FHIT: variants seen among roughly 807,000 people sequenced by gnomAD.
FHIT encodes the protein fragile histidine triad diadenosine triphosphatase, also known as bis(5'-adenosyl)-triphosphatase.
Under a neutral mutation model 17.9 loss-of-function variants are expected in FHIT, and 19 were observed. That is an observed-to-expected ratio of 1.06 (90% CI 0.74 to 1.56). The LOEUF is 1.56. FHIT is among the 40% of genes most tolerant of loss of function. FHIT has a pLI of 0.00. For synonymous variants in FHIT, 81 were observed against 69.7 expected (o/e 1.16, Z -0.81); for missense variants, 248 against 189.2 (o/e 1.31, Z -1.82).
At chr3:60,310,340 C>A (rs1708883432) in intron 5 of FHIT, among the ~76,000 whole-genome samples, 1 of 152,186 alleles carries the variant, frequency 6.6e-6, no homozygotes, top group Middle Eastern at 3.4e-3. Flanking sequence ...CTTAAAGAAA[C>A]TGGTGCTGAA....
intron 4 of FHIT, among the ~76,000 whole-genome samples, chr3:60,592,517 ATTCTC>A (rs2038121905): frequency 1.3e-5 from 2 of 152,048 alleles, no homozygotes. Flanking sequence ...CTGCTTTCAG[ATTCTC>A]TTCTACCACC....
intron 3 of FHIT, among the ~76,000 whole-genome samples, chr3:60,872,259 G>T (rs1268846291): frequency 2.6e-5 from 4 of 152,100 alleles, no homozygotes; most frequent in Admixed American, 1.3e-4. Context: ...AAAAACATTT[G>T]TAGGCAAACA....
chr3:60,456,228 A>G (rs2032083311), intron 5 of FHIT, among the ~76,000 whole-genome samples: 1 of 152,228 alleles, frequency 6.6e-6, no homozygotes, highest in Non-Finnish European at 1.5e-5. Flanking sequence ...CTTTTTAAAA[A>G]ACATATATGA....
chr3:59,819,589 C>G (rs1700719830), intron 8 of FHIT, among the ~76,000 whole-genome samples: 1 of 152,218 alleles, frequency 6.6e-6, no homozygotes, highest in Non-Finnish European at 1.5e-5. Flanking sequence ...GCCGTATTAG[C>G]AGACAGGCTC....
At chr3:60,229,223 C>G (rs1050237342) in intron 5 of FHIT, among the ~76,000 whole-genome samples, 1 of 151,966 alleles carries the variant, frequency 6.6e-6, no homozygotes, top group Non-Finnish European at 1.5e-5. Flanking sequence ...TTGAGACCAG[C>G]CTGGGCAACA....
At chr3:59,912,933 G>C (rs1013504108) in intron 8 of FHIT, among the ~76,000 whole-genome samples, 1 of 152,212 alleles carries the variant, frequency 6.6e-6, no homozygotes, top group Non-Finnish European at 1.5e-5. Flanking sequence ...AAGTATTTAA[G>C]TGGTTCAGCA....
At chr3:60,709,340 A>T (rs1370459211) in intron 4 of FHIT, among the ~76,000 whole-genome samples, 1 of 152,148 alleles carries the variant, frequency 6.6e-6, no homozygotes, top group African/African-American at 2.4e-5. Context: ...TTGTGTTGTG[A>T]TATATTATTA....
chr3:60,227,783 C>G (rs17062527), intron 5 of FHIT, among the ~76,000 whole-genome samples: 3,734 of 152,220 alleles, frequency 0.025, 149 homozygotes, highest in African/African-American at 0.084. Context: ...ATGAAAGTGA[C>G]TGATTCCCCA....
At chr3:60,477,285 G>T (rs766106007) in intron 5 of FHIT, among the ~76,000 whole-genome samples, 9 of 151,798 alleles carry the variant, frequency 5.9e-5, no homozygotes, top group Admixed American at 2.0e-4. Context: ...ACAAAAACCA[G>T]GAAAATGGCT....
intron 4 of FHIT, chr3:60,729,925 G>C (rs560885554): frequency 1.3e-5 from 2 of 157,962 alleles, no homozygotes; most frequent in African/African-American, 2.4e-5. Context: ...TAATCACAAA[G>C]AAACATAAGC....
At chr3:60,247,927 A>C (rs1187071550) in intron 5 of FHIT, among the ~76,000 whole-genome samples, 1 of 151,970 alleles carries the variant, frequency 6.6e-6, no homozygotes, top group Middle Eastern at 3.2e-3. Context: ...TTAATGTAAA[A>C]GGGAACTACA....
At chr3:60,734,917 A>G (rs2042104963) in intron 4 of FHIT, among the ~76,000 whole-genome samples, 3 of 152,234 alleles carry the variant, frequency 2.0e-5, no homozygotes, top group Non-Finnish European at 4.4e-5. Context: ...ATAAATTGTT[A>G]TAATTGTAGT....
At chr3:60,400,056 T>C (rs1192400935) in intron 5 of FHIT, among the ~76,000 whole-genome samples, 1 of 152,162 alleles carries the variant, frequency 6.6e-6, no homozygotes, top group Admixed American at 6.5e-5. Flanking sequence ...CCGGGTGCTC[T>C]ATGGGGATGG....
intron 6 of FHIT, among the ~76,000 whole-genome samples, chr3:60,012,568 C>A (rs2736792): frequency 0.34 from 51,520 of 151,804 alleles, 8,917 homozygotes; most frequent in Non-Finnish European, 0.37. Context: ...CACACCCAGC[C>A]AGAAATCAGA....
chr3:60,149,341 GCTTTTT>G (rs1001804340), intron 5 of FHIT, among the ~76,000 whole-genome samples: 26 of 102,822 alleles, frequency 2.5e-4, no homozygotes, highest in Non-Finnish European at 2.1e-4. Flanking sequence ...TCTTCAACAT[GCTTTTT>G]TTTTTTTCAG....
At chr3:60,931,597 T>G (rs1023029959) in intron 3 of FHIT, among the ~76,000 whole-genome samples, 4 of 63,430 alleles carry the variant, frequency 6.3e-5, no homozygotes, top group African/African-American at 1.6e-4. Flanking sequence ...CTTCCACCCC[T>G]GTTTGTAAAC....
At chr3:60,935,111 A>C (rs1553772752) in intron 3 of FHIT, among the ~76,000 whole-genome samples, 4 of 152,220 alleles carry the variant, frequency 2.6e-5, no homozygotes, top group African/African-American at 7.2e-5. Context: ...TCAATATTAC[A>C]TGTGAAGAAA....
intron 3 of FHIT, among the ~76,000 whole-genome samples, chr3:60,870,759 T>C (rs574643371): frequency 5.9e-5 from 9 of 152,276 alleles, no homozygotes; most frequent in African/African-American, 1.7e-4. Flanking sequence ...CAACTGCTGG[T>C]TGTAAAATCA....
chr3:60,094,567 C>T (rs1703861742), intron 5 of FHIT, among the ~76,000 whole-genome samples: 1 of 152,190 alleles, frequency 6.6e-6, no homozygotes, highest in South Asian at 2.1e-4. Flanking sequence ...TTGAAGGTGG[C>T]ATTCCAAGGT....
Sources: allele counts gnomAD v4.1 joint callset (sites outside exome capture counted in the v4.1 genomes callset), GRCh38; gene constraint gnomAD v4.1.1; transcripts MANE v1.5; gene names NCBI Gene and HGNC (gene_info 2026-07-23, HGNC 2026-07-21).